APH1A: variants seen among roughly 807,000 people sequenced by gnomAD.
APH1A encodes aph-1A gamma-secretase subunit.
APH1A carries 16 observed loss-of-function variants against 30.3 expected under a neutral mutation model. The ratio of observed to expected loss-of-function variants is 0.53; its 90% CI spans 0.36 to 0.80. The LOEUF is 0.80. Ranked by LOEUF, APH1A falls within the 30% of genes least tolerant of loss-of-function variation. The pLI, the probability that APH1A is intolerant of heterozygous loss-of-function variation, is 0.01. For synonymous variants in APH1A, 144 were observed against 140.1 expected, an observed-to-expected ratio of 1.03 and a Z score of -0.20; for missense variants, 245 against 337.8, an observed-to-expected ratio of 0.73 and a Z score of 2.15.
At position 150,268,966 on chromosome 1, in the gene APH1A, C is replaced by A; in HGVS notation, c.-156G>T. 1.6e-6 allele frequency: 1 copy of A among 615,446 alleles called. No homozygotes were observed. The highest frequency in any genetic ancestry group is 2.9e-6 in the Non-Finnish European group (1 of 350,576). 38.1% of individuals were successfully genotyped at this position (615,446 alleles called of 1,614,324 possible). A position where few individuals can be genotyped will look rare whatever the true frequency, so the allele number is the denominator to read the frequency against. ...CCCCGGGGAAGGGGAAGGGGGGGAACCGAAACCCCAAATGAAGGTCCGCGC... is the reference window on the plus strand; with the variant it reads ...CCCCGGGGAAGGGGAAGGGGGGGAAACGAAACCCCAAATGAAGGTCCGCGC... On this transcript the variant is annotated 5_prime_UTR_variant, in exon 1 of 7. Coordinates refer to ENST00000369109, the MANE Select transcript of APH1A (RefSeq NM_001077628.3).
At position 150,265,833 on chromosome 1, in the gene APH1A, A is replaced by C; in HGVS notation, c.*297T>G. 1 of 352,660 alleles carries C rather than the reference A, an allele frequency of 2.8e-6. No individual in the cohort carries two copies. 21.8% of individuals were successfully genotyped at this position (352,660 alleles called of 1,614,324 possible). A position where few individuals can be genotyped will look rare whatever the true frequency, so the allele number is the denominator to read the frequency against. On this transcript the variant is annotated 3_prime_UTR_variant, in exon 7 of 7. Coordinates refer to ENST00000369109, the MANE Select transcript of APH1A (RefSeq NM_001077628.3). The stretch of plus-strand genomic sequence containing the variant: ...CCAAGGAGGTTAGAAGAGTTCCAAT[A>C]TACCTCCTCCCTCCCCCCACCTCAA...
chr1:150,266,298 G>A, intron 6 of APH1A, 104 bp from the exon 7 acceptor site: 1 of 1,510,920 alleles, frequency 6.6e-7, no homozygotes, highest in African/African-American at 1.4e-5. Flanking sequence ...GTGGGGATAA[G>A]TGCAGATTCA....
At position 150,266,129 on chromosome 1, in the gene APH1A, C is replaced by G; in HGVS notation, c.*1G>C. 2 of 1,594,492 alleles carry G rather than the reference C, an allele frequency of 1.3e-6. No individual in the cohort carries two copies. Among genetic ancestry groups the G allele is most frequent in the East Asian group, 2.3e-5 (1 of 43,868 alleles). On this transcript the variant is annotated 3_prime_UTR_variant, in exon 7 of 7. Transcript: ENST00000369109. ...GGCCCAGGGGTCCCCCCTAGGTTCC[C>G]TCAGTCCTCGGGTGGGATGCGCAGG...
At chr1:150,268,597 A>G in intron 1 of APH1A, 101 bp downstream of exon 1, 1 of 1,200,282 alleles carries the variant, frequency 8.3e-7, no homozygotes, top group Non-Finnish European at 1.2e-6. Flanking sequence ...CCTCCGACTT[A>G]TCGTCCCCAA....
In APH1A at chr1:150,268,107, G is replaced by C. The variant is rs1553850355; in HGVS notation, c.134C>G (p.Ser45Cys). ...LVAGAFFWLVSLLLASVVWFI... is the reference protein window; with the variant it reads ...LVAGAFFWLVCLLLASVVWFI... ...CCAGACCACAGAGGCCAGGAGCAGG[G>C]AGACCAGCCAGAAAAATGCCCTGAG... is the stretch of plus-strand genomic sequence containing the variant. The change falls in exon 2 of 7, where the codon TCC becomes TGC. Residue 45 changes from serine to cysteine, a missense_variant. Transcript: ENST00000369109. 1.9e-6 allele frequency: 3 copies of C among 1,614,010 alleles called. No homozygotes were observed. Among genetic ancestry groups the C allele is most frequent in the Non-Finnish European group, 2.5e-6 (3 of 1,179,954 alleles).
chr1:150,266,551 T>C lies in APH1A; in HGVS notation c.715A>G (p.Ile239Val), dbSNP rs781914522. ...TCCTTACACAAGAGGCTGCGCTGAA[T>C]ACTTCGGAGGGACCCTCCAGCTGTG... ...FITAGGSLRSIQRSLLCRRQE... is the reference protein window; with the variant it reads ...FITAGGSLRSVQRSLLCRRQE... The change falls in exon 6 of 7, where the codon ATT becomes GTT. Residue 239 changes from isoleucine to valine, a missense_variant. Ile to Val is a conservative substitution (Grantham distance 29). Coordinates refer to ENST00000369109, the MANE Select transcript of APH1A (RefSeq NM_001077628.3). The C allele has an allele frequency of 6.2e-7, 1 of 1,613,984 alleles. No homozygotes were observed. Among genetic ancestry groups the C allele is most frequent in the Non-Finnish European group, 8.5e-7 (1 of 1,180,022 alleles).
At position 150,266,114 on chromosome 1, in the gene APH1A, T is replaced by TC. The variant is rs1651679191; in HGVS notation, c.*15dup. The TC allele has an allele frequency of 1.9e-6, 3 of 1,582,780 alleles. No homozygotes were observed. The highest frequency in any genetic ancestry group is 1.2e-5 in the South Asian group (1 of 86,686). The stretch of plus-strand genomic sequence containing the variant: ...CAGGAGGGCACCCCAGGCCCAGGGG[T>TC]CCCCCCTAGGTTCCCTCAGTCCTCG... On this transcript the variant is annotated 3_prime_UTR_variant, in exon 7 of 7. Coordinates refer to ENST00000369109, the MANE Select transcript of APH1A (RefSeq NM_001077628.3).
At position 150,266,245 on chromosome 1, in the gene APH1A, G is replaced by A. The variant is rs199517322; in HGVS notation, c.734-51C>T. The A allele has an allele frequency of 2.0e-4, 310 of 1,561,760 alleles. 1 individual carries two copies. The highest frequency in any genetic ancestry group is 2.5e-4 in the Non-Finnish European group (293 of 1,153,260). On this transcript the variant is annotated intron_variant, in intron 6 of 6. Transcript: ENST00000369109. Reference sequence around the variant, plus strand: ...TTGGGCAGGGTGAGAGCAGAGCACTGACACAGGGGGAGTCCTGGACACAAC... The same window carrying A: ...TTGGGCAGGGTGAGAGCAGAGCACTAACACAGGGGGAGTCCTGGACACAAC...
intron 1 of APH1A, 100 bp from the exon 2 acceptor site, chr1:150,268,227 C>T: frequency 1.4e-6 from 2 of 1,394,682 alleles, no homozygotes; most frequent in South Asian, 1.4e-5. Flanking sequence ...GGAAGTTAGC[C>T]TTCCGGATGG....
chr1:150,267,860 T>C (rs1553850265), intron 2 of APH1A, 71 bp from the exon 3 acceptor site: 1 of 1,612,026 alleles, frequency 6.2e-7, no homozygotes, highest in Admixed American at 1.7e-5. Flanking sequence ...TGTCCTCCCT[T>C]AGTGCCTCCT....
rs1651667765 is a variant in APH1A, at chr1:150,265,993, T to A, written c.*137A>T. ...AGCTCATCTATCCTTGAGCCTCCAT[T>A]AATTTCATCTCCAGGGCAATGGCTA... is the stretch of plus-strand genomic sequence containing the variant. On this transcript the variant is annotated 3_prime_UTR_variant, in exon 7 of 7. Coordinates refer to ENST00000369109, the MANE Select transcript of APH1A (RefSeq NM_001077628.3). 9.7e-7 allele frequency: 1 copy of A among 1,028,786 alleles called. No individual in the cohort carries two copies. Among genetic ancestry groups the A allele is most frequent in the East Asian group, 2.6e-5 (1 of 37,848 alleles). The allele number at this position is 1,028,786 out of a possible 1,614,324, so 63.7% of individuals were successfully genotyped here. A position where few individuals can be genotyped will look rare whatever the true frequency, so the allele number is the denominator to read the frequency against.
chr1:150,268,231 CG>C, intron 1 of APH1A, 104 bp from the exon 2 acceptor site: 1 of 1,373,042 alleles, frequency 7.3e-7, no homozygotes, highest in Non-Finnish European at 9.8e-7. Flanking sequence ...GTTAGCCTTC[CG>C]GATGGTTAGG....
chr1:150,266,160 A>T lies in APH1A; in HGVS notation c.768T>A (p.Tyr256Ter). 2 of 1,604,092 alleles carry T rather than the reference A, an allele frequency of 1.2e-6. No individual in the cohort carries two copies. The highest frequency in any genetic ancestry group is 1.7e-6 in the Non-Finnish European group (2 of 1,175,412). Residue 256 changes from tyrosine to a stop codon, truncating the protein, a stop_gained, in exon 7 of 7, where the codon TAT becomes TAA. Coordinates refer to ENST00000369109, the MANE Select transcript of APH1A (RefSeq NM_001077628.3). LOFTEE classifies it high-confidence loss of function. ...CCTCGGGTGGGATGCGCAGGGCAGA[A>T]TACACCATCACCCGACTGTCCTCCT... ...RRQEDSRVMV[Y>*]SALRIPPED
rs199642580 is a variant in APH1A at position 150,268,954 on chromosome 1, G to A, written c.-144C>T. On this transcript the variant is annotated 5_prime_UTR_variant, in exon 1 of 7. Coordinates refer to ENST00000369109, the MANE Select transcript of APH1A (RefSeq NM_001077628.3). ...GTCACCCCCAGACCCCGGGGAAGGG[G>A]AAGGGGGGGAACCGAAACCCCAAAT... 6.7e-4 allele frequency: 437 copies of A among 655,570 alleles called. No homozygotes were observed. The Middle Eastern group carries it at 7.6e-3, about 11-fold the overall frequency. The allele number at this position is 655,570 out of a possible 1,614,324, so 40.6% of individuals were successfully genotyped here.
chr1:150,266,690 G>A (rs200581677), intron 5 of APH1A, 34 bp from the exon 6 acceptor site: 1 of 1,610,336 alleles, frequency 6.2e-7, no homozygotes, highest in East Asian at 2.2e-5. Flanking sequence ...AAAGAGATTA[G>A]ATTCTCCCTC....
chr1:150,266,998 G>A (rs1651780308), intron 5 of APH1A, 77 bp downstream of exon 5: 2 of 1,587,348 alleles, frequency 1.3e-6, no homozygotes, highest in Non-Finnish European at 1.7e-6. Flanking sequence ...GTTAAGAAGT[G>A]AGGATACCCT....
At chr1:150,267,618 G>T in intron 3 of APH1A, 98 bp downstream of exon 3, 1 of 1,571,308 alleles carries the variant, frequency 6.4e-7, no homozygotes, top group Non-Finnish European at 8.7e-7. Context: ...ACGGATGAAG[G>T]AAAGTAAGAA....
chr1:150,266,705 T>C (rs1651753962), intron 5 of APH1A, 49 bp from the exon 6 acceptor site: 2 of 1,593,726 alleles, frequency 1.3e-6, no homozygotes, highest in South Asian at 2.2e-5. Flanking sequence ...TCCCTCGACC[T>C]AATCCCCATA....
At position 150,267,206 on chromosome 1, in the gene APH1A, C is replaced by A; in HGVS notation, c.482-4G>T. Reference sequence around the variant, plus strand: ...ATAATGGCTGCTGTCAGAAAGGCTGCAGGGAGGGAGATGGGGAGGAGATAC... The same window carrying A: ...ATAATGGCTGCTGTCAGAAAGGCTGAAGGGAGGGAGATGGGGAGGAGATAC... On this transcript the variant is annotated splice_polypyrimidine_tract_variant and splice_region_variant and intron_variant, in intron 4 of 6. Coordinates refer to ENST00000369109, the MANE Select transcript of APH1A (RefSeq NM_001077628.3). 2 of 1,614,138 alleles carry A rather than the reference C, an allele frequency of 1.2e-6. No homozygotes were observed. The highest frequency in any genetic ancestry group is 1.6e-4 in the Middle Eastern group (1 of 6,062).
Sources: gnomAD v4.1 joint callset for allele counts on GRCh38, gnomAD v4.1.1 for gene constraint, MANE v1.5 for transcripts, NCBI Gene and HGNC (gene_info 2026-07-23, HGNC 2026-07-21) for gene names.